MGAT4A: variants seen among roughly 807,000 people sequenced by gnomAD.
MGAT4A encodes alpha-1,3-mannosyl-glycoprotein 4-beta-N-acetylglucosaminyltransferase A.
Under a neutral mutation model 74.1 loss-of-function variants are expected in MGAT4A, and 33 were observed. The observed-to-expected ratio is 0.45, with a 90% CI of 0.34 to 0.60. The LOEUF (loss-of-function observed/expected upper bound fraction) is 0.60, where lower values mean the gene tolerates loss of function less well. Ranked by LOEUF, MGAT4A falls within the 20% of genes least tolerant of loss-of-function variation. The pLI, the probability that MGAT4A is intolerant of heterozygous loss-of-function variation, is 0.02. For synonymous variants in MGAT4A, 198 were observed against 210.4 expected (o/e 0.94, Z 0.51); for missense variants, 479 against 628.3 (o/e 0.76, Z 2.54).
chr2:98,670,433 A>C (rs1008175364), intron 4 of MGAT4A, among the ~76,000 whole-genome samples: 1 of 152,188 alleles, frequency 6.6e-6, no homozygotes, highest in Non-Finnish European at 1.5e-5. Context: ...CAGAGCTATC[A>C]ATTGTGATTA....
intron 8 of MGAT4A, 70 bp downstream of exon 8, chr2:98,655,375 T>TA: frequency 8.2e-7 from 1 of 1,221,816 alleles, no homozygotes; most frequent in Non-Finnish European, 1.2e-6. Flanking sequence ...CTTCCTGTTT[T>TA]AATGAAAACA....
chr2:98,706,143 A>G (rs924836871), intron 2 of MGAT4A, among the ~76,000 whole-genome samples: 3 of 152,126 alleles, frequency 2.0e-5, no homozygotes, highest in Non-Finnish European at 2.9e-5. Flanking sequence ...CAAAAAAGCT[A>G]TTTCTACTCT....
chr2:98,633,526 C>T (rs1235614645), intron 14 of MGAT4A, among the ~76,000 whole-genome samples: 4 of 152,130 alleles, frequency 2.6e-5, no homozygotes, highest in Non-Finnish European at 5.9e-5. Flanking sequence ...ACGAGAGGGT[C>T]AAGGAAGCTC....
chr2:98,639,121 C>A (rs960142981), intron 12 of MGAT4A, among the ~76,000 whole-genome samples: 7 of 152,072 alleles, frequency 4.6e-5, no homozygotes, highest in African/African-American at 1.7e-4. Context: ...CCTGTCTCTA[C>A]TAAAAATACA....
At chr2:98,663,202 T>C (rs1701777598) in intron 4 of MGAT4A, 23 bp from the exon 5 acceptor site, 15 of 1,560,880 alleles carry the variant, frequency 9.6e-6, no homozygotes, top group African/African-American at 1.4e-5. Flanking sequence ...ATAGTAATTA[T>C]ATTAAAAAAC....
chr2:98,723,728 T>C (rs570453028), intron 2 of MGAT4A, among the ~76,000 whole-genome samples: 1 of 152,202 alleles, frequency 6.6e-6, no homozygotes, highest in Non-Finnish European at 1.5e-5. Context: ...ATATGCCCAG[T>C]GTTCCCCACT....
intron 2 of MGAT4A, among the ~76,000 whole-genome samples, chr2:98,719,405 G>A (rs1218166045): frequency 6.6e-6 from 1 of 152,200 alleles, no homozygotes; most frequent in Non-Finnish European, 1.5e-5. Flanking sequence ...CAAACCAAGA[G>A]CTGAAGCTGC....
At chr2:98,720,416 C>G (rs751555783) in intron 2 of MGAT4A, among the ~76,000 whole-genome samples, 1 of 152,196 alleles carries the variant, frequency 6.6e-6, no homozygotes, top group Non-Finnish European at 1.5e-5. Flanking sequence ...CAGACATCAG[C>G]CCAGCTGGTC....
chr2:98,654,851 A>C (rs533558451), intron 8 of MGAT4A, among the ~76,000 whole-genome samples: 3 of 152,176 alleles, frequency 2.0e-5, no homozygotes, highest in Admixed American at 6.5e-5. Context: ...AATAGTCTTA[A>C]AAAAAAGGGA....
Position 98,621,121 on chromosome 2 carries a change from A to T in MGAT4A, c.*4445T>A, listed in dbSNP as rs972882352. On this transcript the variant is annotated 3_prime_UTR_variant, in exon 16 of 16. Transcript: ENST00000393487. ...TTCATTTCCTATTCCTACATAACAA[A>T]TTGCCACAAATTTAGCAGCTTAAAA... 7.3e-6 allele frequency: 2 copies of T among 275,492 alleles called. No individual in the cohort carries two copies. The highest frequency in any genetic ancestry group is 1.3e-5 in the Non-Finnish European group (2 of 148,308). The allele number at this position is 275,492 out of a possible 1,614,324, so 17.1% of individuals were successfully genotyped here.
At chr2:98,699,262 C>T (rs1260650114) in intron 2 of MGAT4A, among the ~76,000 whole-genome samples, 3 of 152,218 alleles carry the variant, frequency 2.0e-5, no homozygotes, top group African/African-American at 7.2e-5. Context: ...CTGCCTAGTA[C>T]ATACCAAAAT....
intron 2 of MGAT4A, among the ~76,000 whole-genome samples, chr2:98,703,501 A>C (rs1322512585): frequency 1.3e-5 from 2 of 152,238 alleles, no homozygotes; most frequent in Non-Finnish European, 2.9e-5. Context: ...GACTTTCTAC[A>C]AACTAGGAAC....
Position 98,624,568 on chromosome 2 carries a change from T to C in MGAT4A, c.*998A>G, listed in dbSNP as rs1445856839. The C allele has an allele frequency of 7.1e-6, 7 of 983,830 alleles. No homozygotes were observed. Among genetic ancestry groups the C allele is most frequent in the East Asian group, 2.3e-4 (2 of 8,824 alleles). 60.9% of individuals were successfully genotyped at this position (983,830 alleles called of 1,614,324 possible). A position where few individuals can be genotyped will look rare whatever the true frequency, so the allele number is the denominator to read the frequency against. On this transcript the variant is annotated 3_prime_UTR_variant, in exon 16 of 16. Transcript: ENST00000393487. The stretch of plus-strand genomic sequence containing the variant: ...ATTATACCAATTATGACTCATACAA[T>C]AGCAACACCTAGAAAACATTTTGTC...
chr2:98,680,232 T>C (rs6742636), intron 2 of MGAT4A, among the ~76,000 whole-genome samples: 38,456 of 151,922 alleles, frequency 0.25, 5,425 homozygotes, highest in Non-Finnish European at 0.32. Flanking sequence ...TCAGTAGAGA[T>C]GGGGTTTCAC....
chr2:98,659,587 T>G (rs1377209729), intron 5 of MGAT4A, among the ~76,000 whole-genome samples: 1 of 152,216 alleles, frequency 6.6e-6, no homozygotes, highest in African/African-American at 2.4e-5. Context: ...GATAACTGAA[T>G]CATGGGGGCA....
At chr2:98,722,268 A>C (rs1055915648) in intron 2 of MGAT4A, among the ~76,000 whole-genome samples, 1 of 152,222 alleles carries the variant, frequency 6.6e-6, no homozygotes, top group Non-Finnish European at 1.5e-5. Context: ...CAGCGGATGG[A>C]TGGATAAACA....
At chr2:98,632,646 T>C (rs761102673) in intron 14 of MGAT4A, among the ~76,000 whole-genome samples, 13 of 152,220 alleles carry the variant, frequency 8.5e-5, no homozygotes, top group Non-Finnish European at 1.8e-4. Context: ...GCCTCTCCAT[T>C]GGGCACAATC....
chr2:98,720,667 C>T (rs1376907613), intron 2 of MGAT4A, among the ~76,000 whole-genome samples: 1 of 151,866 alleles, frequency 6.6e-6, no homozygotes, highest in Non-Finnish European at 1.5e-5. Flanking sequence ...CTGATGAACC[C>T]TAACTAATAC....
At chr2:98,674,407 C>T (rs2104285342) in intron 4 of MGAT4A, among the ~76,000 whole-genome samples, 1 of 152,306 alleles carries the variant, frequency 6.6e-6, no homozygotes, top group South Asian at 2.1e-4. Flanking sequence ...CTTGCTCAAG[C>T]CCACTTCCAC....
Sources: gnomAD v4.1 joint callset for allele counts (sites outside exome capture counted in the v4.1 genomes callset) on GRCh38, gnomAD v4.1.1 for gene constraint, MANE v1.5 for transcripts, NCBI Gene and HGNC (gene_info 2026-07-23, HGNC 2026-07-21) for gene names.